Variants in SOX30 observed in about 807,000 individuals in gnomAD.
SOX30 encodes transcription factor SOX-30.
In SOX30, 17 loss-of-function variants were observed where a neutral mutation model predicts 58.6. The ratio of observed to expected loss-of-function variants is 0.29; its 90% CI spans 0.20 to 0.44. SOX30 has a LOEUF of 0.44. SOX30 is among the 20% of genes least tolerant of loss of function. SOX30 has a pLI of 1.00. For missense variants in SOX30, 951 were observed against 965.8 expected (o/e 0.98, Z 0.20); for synonymous variants, 421 against 400.2 (o/e 1.05, Z -0.62).
At chr5:157,634,343 A>G (rs1177496725) in intron 4 of SOX30, among the ~76,000 whole-genome samples, 1 of 152,078 alleles carries the variant, frequency 6.6e-6, no homozygotes, top group Non-Finnish European at 1.5e-5. Context: ...CTTCCTGAGT[A>G]GCTGGGACTA....
chr5:157,641,362 C>T (rs983384732), intron 3 of SOX30, among the ~76,000 whole-genome samples: 1 of 152,198 alleles, frequency 6.6e-6, no homozygotes, highest in Non-Finnish European at 1.5e-5. Context: ...CCTGTAATCC[C>T]AGCACTTTGG....
intron 2 of SOX30, among the ~76,000 whole-genome samples, chr5:157,663,894 G>C (rs1008664084): frequency 2.0e-5 from 3 of 152,102 alleles, no homozygotes; most frequent in African/African-American, 7.2e-5. Flanking sequence ...ATTTACAAGG[G>C]ATGTGAAGGA....
At position 157,638,450 on chromosome 5, in the gene SOX30, G is replaced by T; in HGVS notation, c.1660C>A (p.His554Asn). 1.2e-6 allele frequency: 2 copies of T among 1,614,180 alleles called. No individual in the cohort carries two copies. Among genetic ancestry groups the T allele is most frequent in the Non-Finnish European group, 1.7e-6 (2 of 1,180,020 alleles). ...ATGGTCGAAGTTGCAAATCTGGCAT[G>T]GGCAGTACTTGCACTACTTGAAATC... The part of the protein sequence containing the change: ...NRISSSASTA[H>N]ARFATSTIQP... The change falls in exon 4 of 5, where the codon CAT becomes AAT. Residue 554 changes from histidine (H) to asparagine (N), a missense_variant. Around this residue, in one of 7 missense-constraint regions of SOX30, gnomAD observed 381 missense variants for 390.0 expected, o/e 0.98. Coordinates refer to ENST00000265007, the MANE Select transcript of SOX30 (RefSeq NM_178424.2).
chr5:157,664,631 C>T (rs1365792602), intron 2 of SOX30, among the ~76,000 whole-genome samples: 1 of 152,192 alleles, frequency 6.6e-6, no homozygotes, highest in East Asian at 1.9e-4. Flanking sequence ...AGCTTCTGCA[C>T]ATCAAAAGAA....
In SOX30 at chr5:157,626,574, T is replaced by C; in HGVS notation, c.2028A>G (p.Ser676=). 6.2e-7 allele frequency: 1 copy of C among 1,614,230 alleles called. No homozygotes were observed. Among genetic ancestry groups the C allele is most frequent in the Non-Finnish European group, 8.5e-7 (1 of 1,180,036 alleles). ...LNRDYSFRDY[S]SECTHSENSR... is the part of the protein sequence containing the mutation. ...AATTTTCACTGTGTGTGCATTCACT[T>C]GAGTAGTCTCTAAAAGAATAGTCTC... The change falls in exon 5 of 5, where the codon TCA becomes TCG. Residue 676 remains serine, a synonymous_variant. Transcript: ENST00000265007.
rs1446649631 is a variant in SOX30 at position 157,635,627 on chromosome 5, A to AC, written c.1880+2602_1880+2603insG. On this transcript the variant is annotated intron_variant, in intron 4 of 4. Transcript: ENST00000265007. ...TGACAGAGCAAGACTCTGTCTCAAA[A>AC]AAAAAACAAAAACAAAAACAAAGAA... is the stretch of plus-strand genomic sequence containing the variant. Among the ~76,000 whole-genome samples the AC allele has an allele frequency of 8.0e-4, 121 of 151,118 alleles. 1 individual carries two copies. The South Asian group carries it at 0.02, about 25-fold the overall frequency.
chr5:157,646,895 C>T, intron 2 of SOX30, 79 bp from the exon 3 acceptor site: 2 of 1,060,024 alleles, frequency 1.9e-6, no homozygotes, highest in East Asian at 4.8e-5. Context: ...AAATGCAAAG[C>T]ACTTTAAAGT....
intron 1 of SOX30, among the ~76,000 whole-genome samples, chr5:157,668,277 C>A (rs1051780673): frequency 2.0e-5 from 3 of 152,196 alleles, no homozygotes; most frequent in Non-Finnish European, 4.4e-5. Flanking sequence ...ATTCCCCACA[C>A]TGCAGGTCCT....
At chr5:157,660,235 A>G (rs1357458488) in intron 2 of SOX30, among the ~76,000 whole-genome samples, 1 of 152,206 alleles carries the variant, frequency 6.6e-6, no homozygotes, top group East Asian at 1.9e-4. Context: ...GACATGGGCA[A>G]CGTGGCAAAA....
At position 157,668,267 on chromosome 5, in the gene SOX30, A is replaced by G. The variant is rs536026617; in HGVS notation, c.-3-415T>C. 5.8e-4 allele frequency among the ~76,000 whole-genome samples: 89 copies of G among 152,248 alleles called. 1 individual carries two copies. The highest frequency in any genetic ancestry group is 1.9e-3 in the African/African-American group (80 of 41,544). Reference sequence around the variant, plus strand: ...AGAAGGAAGCCTGGGATGAAGACTTATTCCCCACACTGCAGGTCCTAGCTC... The same window carrying G: ...AGAAGGAAGCCTGGGATGAAGACTTGTTCCCCACACTGCAGGTCCTAGCTC... On this transcript the variant is annotated intron_variant, in intron 1 of 5. Coordinates refer to the SOX30 transcript ENST00000519442.
intron 2 of SOX30, 143 bp downstream of exon 2, chr5:157,648,512 ATT>A (rs1759249888): frequency 2.8e-6 from 2 of 721,804 alleles, no homozygotes; most frequent in Non-Finnish European, 4.4e-6. Flanking sequence ...CATTTCAATC[ATT>A]GTTATAATAT....
chr5:157,662,691 A>C (rs1759597413), intron 2 of SOX30, among the ~76,000 whole-genome samples: 1 of 152,192 alleles, frequency 6.6e-6, no homozygotes. Context: ...AGGCCATGAA[A>C]GGAAGTAGGG....
At chr5:157,668,393 G>A (rs943414032) in intron 1 of SOX30, among the ~76,000 whole-genome samples, 15 of 152,170 alleles carry the variant, frequency 9.9e-5, no homozygotes, top group African/African-American at 3.6e-4. Flanking sequence ...GAATCAGAGG[G>A]GTAACTTGTC....
At position 157,626,200 on chromosome 5, in the gene SOX30, T is replaced by C. The variant is rs1758647206; in HGVS notation, c.*140A>G. 1 of 669,352 alleles carries C rather than the reference T, an allele frequency of 1.5e-6. No individual in the cohort carries two copies. Among genetic ancestry groups the C allele is most frequent in the African/African-American group, 1.8e-5 (1 of 54,596 alleles). The allele number at this position is 669,352 out of a possible 1,614,324, so 41.5% of individuals were successfully genotyped here. A position where few individuals can be genotyped will look rare whatever the true frequency, so the allele number is the denominator to read the frequency against. On this transcript the variant is annotated 3_prime_UTR_variant, in exon 5 of 5. Transcript: ENST00000265007. ...CACTAATCAAAATTTTATGAAGACA[T>C]AAATTGCATTTGGTTTTAACTCCTC... is the stretch of plus-strand genomic sequence containing the variant.
At chr5:157,637,515 T>C (rs1321614269) in intron 4 of SOX30, among the ~76,000 whole-genome samples, 1 of 152,162 alleles carries the variant, frequency 6.6e-6, no homozygotes, top group Non-Finnish European at 1.5e-5. Context: ...TATAGGATAC[T>C]ACTAAACCCC....
intron 4 of SOX30, among the ~76,000 whole-genome samples, chr5:157,636,135 CAAAA>C (rs1758920909): frequency 6.6e-6 from 1 of 152,102 alleles, no homozygotes; most frequent in Non-Finnish European, 1.5e-5. Context: ...ATGCAACAAA[CAAAA>C]AAGTAGTAAC....
Position 157,635,064 on chromosome 5 carries a change from A to C in SOX30, c.1880+3166T>G, listed in dbSNP as rs542115505. 1.6e-3 allele frequency among the ~76,000 whole-genome samples: 251 copies of C among 152,348 alleles called. 2 individuals are homozygous for C. The highest frequency in any genetic ancestry group is 1.9e-3 in the Non-Finnish European group (132 of 68,038). On this transcript the variant is annotated intron_variant, in intron 4 of 4. Transcript: ENST00000265007. ...AAATATACTATCTAGACAGTCATAA[A>C]TAGATTATTTCCTTGGGGAAATTAT...
chr5:157,659,404 C>T (rs536109493), intron 2 of SOX30, among the ~76,000 whole-genome samples: 70 of 152,308 alleles, frequency 4.6e-4, no homozygotes, highest in African/African-American at 1.6e-3. Context: ...AAACCCCCAA[C>T]TCAAAGGCTA....
At chr5:157,665,053 A>G (rs1045798869) in intron 2 of SOX30, among the ~76,000 whole-genome samples, 11 of 152,232 alleles carry the variant, frequency 7.2e-5, no homozygotes, top group Non-Finnish European at 1.5e-4. Flanking sequence ...TTCCTCAAGG[A>G]TCTAGAACTA....
Sources: allele counts gnomAD v4.1 joint callset (sites outside exome capture counted in the v4.1 genomes callset), GRCh38; gene constraint gnomAD v4.1.1; regional missense constraint gnomAD v4.1.1; transcripts MANE v1.5; gene names NCBI Gene and HGNC (gene_info 2026-07-23, HGNC 2026-07-21).